Variants in LRRC37A2 observed in about 807,000 individuals in gnomAD.
LRRC37A2 encodes the protein leucine rich repeat containing 37 member A2, also known as leucine-rich repeat-containing protein 37A2.
In LRRC37A2, 9 loss-of-function variants were observed where a neutral mutation model predicts 68.8. The observed-to-expected ratio is 0.13, with a 90% CI of 0.08 to 0.23. The LOEUF (loss-of-function observed/expected upper bound fraction) is 0.23. Among genes scored for constraint, LRRC37A2 ranks in the 10% least tolerant of loss-of-function variants. The pLI is 1.00. For synonymous variants in LRRC37A2, 63 were observed against 367.6 expected, an observed-to-expected ratio of 0.17 and a Z score of 9.48; for missense variants, 168 against 950.4, an observed-to-expected ratio of 0.18 and a Z score of 10.82.
the LRRC37A2 span, among the ~76,000 whole-genome samples, chr17:46,464,110 G>GT: frequency 3.5e-5 from 1 of 28,542 alleles, no homozygotes; most frequent in Admixed American, 3.1e-4. Flanking sequence ...TCTAGCAGGT[G>GT]TGGGTCTTGG....
chr17:46,728,866 A>G, the LRRC37A2 span: 2 of 1,607,594 alleles, frequency 1.2e-6, no homozygotes, highest in Non-Finnish European at 1.7e-6. Context: ...TTACGTCCCT[A>G]TTGGCCCTCG....
chr17:47,013,787 T>A, the LRRC37A2 span, among the ~76,000 whole-genome samples: 2 of 152,124 alleles, frequency 1.3e-5, no homozygotes, highest in Non-Finnish European at 2.9e-5. Context: ...ATTGTAAATA[T>A]CAGATGGGAA....
rs2145119124 is a variant in LRRC37A2, at chr17:46,528,737, A to G, written c.2906+4853A>G. On this transcript the variant is annotated intron_variant, in intron 6 of 14. Coordinates refer to ENST00000576629, the Ensembl canonical transcript of LRRC37A2. ...GAGACTTCATCTCAAAAAAAAAAAAAAAAAGGAAAAAGGCTCACCATTTCA... is the reference window on the plus strand; with the variant it reads ...GAGACTTCATCTCAAAAAAAAAAAAGAAAAGGAAAAAGGCTCACCATTTCA... 3 of 664,722 alleles carry G rather than the reference A, an allele frequency of 4.5e-6. No individual in the cohort carries two copies. The East Asian group carries it at 8.2e-5, about 18-fold the overall frequency. 41.2% of individuals were successfully genotyped at this position (664,722 alleles called of 1,614,324 possible).
the LRRC37A2 span, among the ~76,000 whole-genome samples, chr17:46,781,060 C>G: frequency 1.3e-5 from 2 of 151,958 alleles, no homozygotes; most frequent in Non-Finnish European, 2.9e-5. Context: ...GAAACCCCAT[C>G]TCTACTAAAA....
At chr17:47,004,526 T>C in the LRRC37A2 span, among the ~76,000 whole-genome samples, 1 of 152,120 alleles carries the variant, frequency 6.6e-6, no homozygotes, top group East Asian at 1.9e-4. Flanking sequence ...TGGAAGAAAG[T>C]GTCTAGCAAT....
At chr17:46,963,465 A>C in the LRRC37A2 span, among the ~76,000 whole-genome samples, 2 of 151,728 alleles carry the variant, frequency 1.3e-5, no homozygotes, top group Admixed American at 6.6e-5. Flanking sequence ...GAATTGCTTG[A>C]ACCTGGGAGG....
the LRRC37A2 span, among the ~76,000 whole-genome samples, chr17:46,778,239 A>G: frequency 6.6e-6 from 1 of 152,154 alleles, no homozygotes; most frequent in Non-Finnish European, 1.5e-5. Flanking sequence ...TTCCTATCCA[A>G]CACTGGAAAG....
the LRRC37A2 span, among the ~76,000 whole-genome samples, chr17:46,678,929 T>C: frequency 6.9e-6 from 1 of 145,958 alleles, no homozygotes; most frequent in African/African-American, 2.6e-5. Context: ...CATAGAAATA[T>C]ATAATGGAAT....
chr17:46,851,742 G>A, the LRRC37A2 span: 7 of 1,203,232 alleles, frequency 5.8e-6, no homozygotes, highest in South Asian at 3.3e-5. This position sits in a 1 kb window ranked among gnomAD's most constrained non-coding sequence, Gnocchi z 4.3. Flanking sequence ...CCCCCCGCCC[G>A]CTCCCCGGCC....
chr17:47,018,797 G>A, the LRRC37A2 span: 1 of 1,521,074 alleles, frequency 6.6e-7, no homozygotes, highest in East Asian at 2.3e-5. Flanking sequence ...AACCTCCAGA[G>A]CATTCACCCC....
At chr17:46,875,003 G>A in the LRRC37A2 span, 13 of 1,589,110 alleles carry the variant, frequency 8.2e-6, no homozygotes, top group East Asian at 8.9e-5. Context: ...TGCCACCACC[G>A]CCTCTGGCCC....
the LRRC37A2 span, chr17:46,818,727 G>T: frequency 1.1e-6 from 1 of 914,900 alleles, no homozygotes; most frequent in Non-Finnish European, 1.7e-6. Context: ...ACCTCCACCC[G>T]CAGCCGCCCC....
At chr17:46,870,844 C>T in the LRRC37A2 span, among the ~76,000 whole-genome samples, 1 of 150,966 alleles carries the variant, frequency 6.6e-6, no homozygotes, top group Non-Finnish European at 1.5e-5. Flanking sequence ...ACATGAGCAA[C>T]AGTGGCAAGT....
At chr17:47,000,079 A>AAT in the LRRC37A2 span, among the ~76,000 whole-genome samples, 1 of 17,018 alleles carries the variant, frequency 5.9e-5, no homozygotes, top group East Asian at 4.3e-3. Context: ...TAAAATAAAA[A>AAT]ATAAAATAAA....
chr17:46,795,680 C>T, the LRRC37A2 span, among the ~76,000 whole-genome samples: 1 of 152,218 alleles, frequency 6.6e-6, no homozygotes, highest in Non-Finnish European at 1.5e-5. Flanking sequence ...CCGGAGCACC[C>T]TGCTGTTCTG....
chr17:46,782,457 T>C, the LRRC37A2 span, among the ~76,000 whole-genome samples: 2 of 152,168 alleles, frequency 1.3e-5, no homozygotes, highest in Non-Finnish European at 1.5e-5. Context: ...GCCCAACTTG[T>C]TCCTGGGCCC....
At chr17:46,768,077 C>G in the LRRC37A2 span, among the ~76,000 whole-genome samples, 1 of 152,198 alleles carries the variant, frequency 6.6e-6, no homozygotes, top group Non-Finnish European at 1.5e-5. The surrounding 1 kb of genome is among the most constrained non-coding windows in gnomAD (Gnocchi z 5.0). Flanking sequence ...CGTGAGCCAC[C>G]GCACCCGGCC....
At chr17:46,942,188 C>T in the LRRC37A2 span, among the ~76,000 whole-genome samples, 2 of 152,196 alleles carry the variant, frequency 1.3e-5, no homozygotes, top group Non-Finnish European at 2.9e-5. Flanking sequence ...ATTTGACTTT[C>T]AGCTCCAGTA....
chr17:46,494,861 T>A, the LRRC37A2 span, among the ~76,000 whole-genome samples: 1 of 151,132 alleles, frequency 6.6e-6, no homozygotes, highest in African/African-American at 2.5e-5. Context: ...TTTTAAAATA[T>A]ACACTAAGTT....
Sources: allele counts gnomAD v4.1 joint callset (sites outside exome capture counted in the v4.1 genomes callset), GRCh38; gene constraint gnomAD v4.1.1; non-coding constraint Gnocchi (gnomAD v3.1); transcripts MANE v1.5; gene names NCBI Gene and HGNC (gene_info 2026-07-23, HGNC 2026-07-21).